DPH5: variants seen among roughly 807,000 people sequenced by gnomAD.
DPH5 encodes diphthine methyl ester synthase.
DPH5 carries 31 observed loss-of-function variants against 31.6 expected under a neutral mutation model. The ratio of observed to expected loss-of-function variants is 0.98; its 90% CI spans 0.74 to 1.32. DPH5 has a LOEUF of 1.32. Ranked by LOEUF, DPH5 falls within the 40% of genes most tolerant of loss-of-function variation. DPH5 has a pLI of 0.00. For missense variants in DPH5, 309 were observed against 335.7 expected, an observed-to-expected ratio of 0.92 and a Z score of 0.62; for synonymous variants, 120 against 115.0, an observed-to-expected ratio of 1.04 and a Z score of -0.28.
At position 101,021,623 on chromosome 1, in the gene DPH5, A is replaced by ATT; in HGVS notation, c.260+17_260+18insAA. The ATT allele has an allele frequency of 6.3e-7, 1 of 1,595,736 alleles. No homozygotes were observed. Among genetic ancestry groups the ATT allele is most frequent in the Non-Finnish European group, 8.5e-7 (1 of 1,171,316 alleles). ...AAAGTAAATGAGTTAAAAACTCAAA[A>ATT]TATCTGCCTTGACTTACCCAAATGG... On this transcript the variant is annotated intron_variant, in intron 3 of 7. Transcript: ENST00000370109.
intron 5 of DPH5, among the ~76,000 whole-genome samples, chr1:101,001,219 T>C (rs1658840083): frequency 6.6e-6 from 1 of 152,180 alleles, no homozygotes; most frequent in South Asian, 2.1e-4. Context: ...CTGGAGAGGA[T>C]CTACTAGGGC....
chr1:101,011,244 CA>C (rs35409691), intron 4 of DPH5, among the ~76,000 whole-genome samples: 42,058 of 151,892 alleles, frequency 0.28, 6,068 homozygotes, highest in African/African-American at 0.35. Flanking sequence ...AAAAACTGTA[CA>C]AAAATGAATC....
At chr1:100,992,186 A>G (rs987734083) in intron 7 of DPH5, among the ~76,000 whole-genome samples, 2 of 152,182 alleles carry the variant, frequency 1.3e-5, no homozygotes, top group African/African-American at 4.8e-5. Flanking sequence ...TATTAGGAAT[A>G]TAAGAACAAA....
rs766534010 is a variant in DPH5, at chr1:101,025,358, A to G, written c.86T>C (p.Val29Ala). 2.5e-6 allele frequency: 4 copies of G among 1,614,140 alleles called. No individual in the cohort carries two copies. Among genetic ancestry groups the G allele is most frequent in the Admixed American group, 3.3e-5 (2 of 60,028 alleles). The change falls in exon 2 of 8, where the codon GTG becomes GCG. Residue 29 changes from valine to alanine, a missense_variant. Physicochemically the swap from Val to Ala is moderately conservative, Grantham distance 64. Transcript: ENST00000370109. Reference protein sequence around the residue: ...GLEVVRRCSRVYLEAYTSVLT... With the variant: ...GLEVVRRCSRAYLEAYTSVLT... Reference sequence around the variant, plus strand: ...GACTGAGGTGTAGGCTTCCAGATACACTCGACTGCAGCGTCTAACAACTTC... The same window carrying G: ...GACTGAGGTGTAGGCTTCCAGATACGCTCGACTGCAGCGTCTAACAACTTC...
chr1:101,007,132 GT>G (rs1659287700), intron 4 of DPH5, among the ~76,000 whole-genome samples: 1 of 152,068 alleles, frequency 6.6e-6, no homozygotes, highest in South Asian at 2.1e-4. Flanking sequence ...TCTAATATTT[GT>G]TTGGCCTATA....
At chr1:100,999,693 G>A (rs1658693829) in intron 5 of DPH5, among the ~76,000 whole-genome samples, 1 of 151,786 alleles carries the variant, frequency 6.6e-6, no homozygotes, top group Non-Finnish European at 1.5e-5. Flanking sequence ...ACAAAAATTA[G>A]CCGGGTGTGG....
intron 3 of DPH5, among the ~76,000 whole-genome samples, chr1:101,016,044 C>A (rs562484460): frequency 1.6e-4 from 25 of 152,276 alleles, no homozygotes; most frequent in African/African-American, 4.8e-4. Context: ...GTAAGAGTAG[C>A]ACTTTTAATT....
rs1327382623 is a variant in DPH5 at position 101,021,833 on chromosome 1, C to CACAT, written c.136-69_136-68insATGT. On this transcript the variant is annotated intron_variant, in intron 2 of 7. Transcript: ENST00000370109. Reference sequence around the variant, plus strand: ...GACCATTCTAACACACACACACACACACACACACACACACACACACACACA... The same window carrying CACAT: ...GACCATTCTAACACACACACACACACACATACACACACACACACACACACACACA... 2.1e-5 allele frequency: 28 copies of CACAT among 1,323,932 alleles called. No homozygotes were observed. The East Asian group carries it at 6.0e-4, about 29-fold the overall frequency. 82.0% of individuals were successfully genotyped at this position (1,323,932 alleles called of 1,614,324 possible).
chr1:101,025,500 A>T lies in DPH5; in HGVS notation c.-23-34T>A, dbSNP rs1220245159. On this transcript the variant is annotated intron_variant, in intron 1 of 7. Transcript: ENST00000370109. ...CGAAGTGGACAGAAAAACCGTCAGT[A>T]ACACCGAGGACATCTAAAATCTAGT... is the stretch of plus-strand genomic sequence containing the variant. 1.0e-5 allele frequency: 16 copies of T among 1,600,928 alleles called. No homozygotes were observed. In the East Asian group the frequency reaches 3.1e-4, roughly 31 times the overall value.
At chr1:101,009,660 T>A (rs1659491415) in intron 4 of DPH5, among the ~76,000 whole-genome samples, 1 of 152,174 alleles carries the variant, frequency 6.6e-6, no homozygotes, top group Non-Finnish European at 1.5e-5. Context: ...AGTAATTCAA[T>A]CTCCACATAT....
intron 2 of DPH5, among the ~76,000 whole-genome samples, chr1:101,022,445 C>T (rs1247127221): frequency 1.3e-5 from 2 of 152,188 alleles, no homozygotes; most frequent in Non-Finnish European, 2.9e-5. Context: ...CTCTAGAGAA[C>T]AAATCCAGTA....
intron 3 of DPH5, among the ~76,000 whole-genome samples, chr1:101,016,565 C>T (rs969567712): frequency 6.6e-6 from 1 of 151,460 alleles, no homozygotes; most frequent in Admixed American, 6.6e-5. Flanking sequence ...CCTCCCTCAG[C>T]CTCTCGGGTA....
At chr1:101,021,885 T>C in intron 2 of DPH5, 120 bp from the exon 3 acceptor site, 1 of 1,019,218 alleles carries the variant, frequency 9.8e-7, no homozygotes, top group Non-Finnish European at 1.4e-6. Context: ...GGTGCATATG[T>C]TGGCAACCAC....
chr1:101,016,910 A>G (rs890825137), intron 3 of DPH5, among the ~76,000 whole-genome samples: 2 of 152,150 alleles, frequency 1.3e-5, no homozygotes, highest in African/African-American at 4.8e-5. Flanking sequence ...AGAGAGAGAG[A>G]GTTGGGGGAA....
chr1:100,990,613 A>G lies in DPH5; in HGVS notation c.653T>C (p.Leu218Pro), dbSNP rs1240688511. 1 of 1,614,004 alleles carries G rather than the reference A, an allele frequency of 6.2e-7. No individual in the cohort carries two copies. Among genetic ancestry groups the G allele is most frequent in the Admixed American group, 1.7e-5 (1 of 59,990 alleles). ...TCCAACCCTGGCTAAGCCAACACAA[A>G]GTGTCTCCTCGGTAACTGCTATTAA... is the stretch of plus-strand genomic sequence containing the variant. Reference protein sequence around the residue: ...GEEPAVTEETLCVGLARVGAD... With the variant: ...GEEPAVTEETPCVGLARVGAD... The change falls in exon 8 of 8, where the codon CTT becomes CCT. Residue 218 changes from leucine (L) to proline (P), a missense_variant. Physicochemically the swap from Leu to Pro is moderately conservative, Grantham distance 98 (BLOSUM62 -3). Transcript: ENST00000370109.
At chr1:101,013,504 T>C in intron 4 of DPH5, 1 of 401,292 alleles carries the variant, frequency 2.5e-6, no homozygotes, top group South Asian at 6.9e-5. Context: ...TCTAGCTAAA[T>C]CTAAACATTC....
rs753581555 is a variant in DPH5, at chr1:101,013,818, C to T, written c.261G>A (p.Gly87=). Residue 87 remains glycine, a splice_region_variant and synonymous_variant, in exon 4 of 8, where the codon GGG becomes GGA. Transcript: ENST00000370109. ...VAFLVVGDPF[G]ATTHSDLVLR... is the part of the protein sequence containing the mutation. ...GAACAAGATCACTGTGTGTTGTGGC[C>T]CTGTAGTGAGAAAAGATTAGATTGG... 5 of 1,604,048 alleles carry T rather than the reference C, an allele frequency of 3.1e-6. No homozygotes were observed. The Admixed American group carries it at 6.9e-5, about 22-fold the overall frequency.
chr1:100,991,969 G>A (rs1657778228), intron 7 of DPH5, among the ~76,000 whole-genome samples: 1 of 151,602 alleles, frequency 6.6e-6, no homozygotes, highest in African/African-American at 2.4e-5. Flanking sequence ...AAATTAGCTG[G>A]GCATGGTGGC....
In DPH5 at chr1:100,995,167, A is replaced by C; in HGVS notation, c.491-18T>G. On this transcript the variant is annotated intron_variant, in intron 5 of 7. Coordinates refer to ENST00000370109, the MANE Select transcript of DPH5 (RefSeq NM_015958.3). ...TTTGATGTCTGTAGGAAGTAAAAAT[A>C]GTTCTTTTAATTTAATTAAAAGCTT... 6.5e-7 allele frequency: 1 copy of C among 1,534,452 alleles called. No individual in the cohort carries two copies. Among genetic ancestry groups the C allele is most frequent in the Non-Finnish European group, 9.0e-7 (1 of 1,110,452 alleles).
Sources: gnomAD v4.1 joint callset for allele counts (sites outside exome capture counted in the v4.1 genomes callset) on GRCh38, gnomAD v4.1.1 for gene constraint, MANE v1.5 for transcripts, NCBI Gene and HGNC (gene_info 2026-07-23, HGNC 2026-07-21) for gene names.